The following TCTN3 variants were observed in gnomAD, a reference collection of about 807,000 sequenced individuals.
TCTN3 encodes the protein tectonic family member 3, also known as tectonic-3.
Under a neutral mutation model 71.3 loss-of-function variants are expected in TCTN3, and 57 were observed. The ratio of observed to expected loss-of-function variants is 0.80; its 90% CI spans 0.65 to 1.00. The LOEUF (loss-of-function observed/expected upper bound fraction) is 1.00, where lower values mean the gene tolerates loss of function less well. Ranked by LOEUF, TCTN3 falls within the 50% of genes least tolerant of loss-of-function variation. The probability of loss-of-function intolerance (pLI) is 0.00; values close to 1 mark genes in which losing one functional copy is unlikely to be tolerated. For missense variants in TCTN3, 696 were observed against 719.9 expected (o/e 0.97, Z 0.38); for synonymous variants, 258 against 267.8 (o/e 0.96, Z 0.36).
At chr10:95,676,773 G>GT (rs1276766376) in intron 13 of TCTN3, among the ~76,000 whole-genome samples, 5 of 152,104 alleles carry the variant, frequency 3.3e-5, no homozygotes, top group Non-Finnish European at 7.4e-5. Context: ...AACCAAAAAA[G>GT]TTAATGATGA....
chr10:95,670,860 A>C (rs1394485195), intron 13 of TCTN3, among the ~76,000 whole-genome samples: 1 of 151,904 alleles, frequency 6.6e-6, no homozygotes, highest in Non-Finnish European at 1.5e-5. Context: ...ATGGGGTCTC[A>C]CTATGTTGCC....
At chr10:95,686,724 T>C (rs1006007282) in intron 6 of TCTN3, among the ~76,000 whole-genome samples, 194 bp from the exon 7 acceptor site, 4 of 152,126 alleles carry the variant, frequency 2.6e-5, no homozygotes, top group Non-Finnish European at 4.4e-5. Flanking sequence ...GGCAGGAGGG[T>C]GACAGACTGT....
intron 11 of TCTN3, 114 bp downstream of exon 11, chr10:95,682,987 C>G (rs1404467765): frequency 8.0e-7 from 1 of 1,251,796 alleles, no homozygotes; most frequent in Non-Finnish European, 1.1e-6. Context: ...GACTAAAAGA[C>G]TATTCCTGAC....
chr10:95,690,738 T>C (rs1001133714), intron 3 of TCTN3, among the ~76,000 whole-genome samples: 3 of 152,140 alleles, frequency 2.0e-5, no homozygotes, highest in African/African-American at 7.2e-5. Context: ...TGGGAAGTAA[T>C]GGAGGTTTCT....
At chr10:95,668,255 C>CAAAAAAAAAAAAA (rs374400684) in intron 13 of TCTN3, among the ~76,000 whole-genome samples, 1 of 120,138 alleles carries the variant, frequency 8.3e-6, no homozygotes, top group Non-Finnish European at 1.7e-5. Context: ...ATAGGAGTGC[C>CAAAAAAAAAAAAA]AAAAAAAAAA....
In TCTN3 at chr10:95,671,842, C is replaced by T. The variant is rs544752066; in HGVS notation, c.1591-7542G>A. The stretch of plus-strand genomic sequence containing the variant: ...AACTCCCAATCTCAGGTGATCCGCC[C>T]GCCTTGGTCTCCCAAAGTGCTGGGA... On this transcript the variant is annotated intron_variant, in intron 13 of 13. Coordinates refer to ENST00000371217, the MANE Select transcript of TCTN3 (RefSeq NM_015631.6). Among the ~76,000 whole-genome samples, 9 of 152,260 alleles carry T rather than the reference C, an allele frequency of 5.9e-5. No individual in the cohort carries two copies. The South Asian group carries it at 8.3e-4, about 14-fold the overall frequency.
chr10:95,678,753 G>A (rs1392501766), intron 13 of TCTN3, among the ~76,000 whole-genome samples: 1 of 152,010 alleles, frequency 6.6e-6, no homozygotes, highest in Non-Finnish European at 1.5e-5. Context: ...TATGATATAA[G>A]TTTCATATAA....
chr10:95,666,849 C>G (rs1320723108), intron 13 of TCTN3, among the ~76,000 whole-genome samples: 1 of 152,176 alleles, frequency 6.6e-6, no homozygotes, highest in Non-Finnish European at 1.5e-5. Flanking sequence ...GGATAGTGGT[C>G]TCATGATGGA....
At position 95,663,932 on chromosome 10, in the gene TCTN3, G is replaced by C; in HGVS notation, c.*135C>G. ...CTAAAATAACTCCTTTCATATACAA[G>C]GATTCCTTCAGTTAGGTCCTCTATT... On this transcript the variant is annotated 3_prime_UTR_variant, in exon 14 of 14. Transcript: ENST00000371217. 1 of 693,344 alleles carries C rather than the reference G, an allele frequency of 1.4e-6. No homozygotes were observed. Among genetic ancestry groups the C allele is most frequent in the Non-Finnish European group, 2.5e-6 (1 of 396,568 alleles). 42.9% of individuals were successfully genotyped at this position (693,344 alleles called of 1,614,324 possible). A position where few individuals can be genotyped will look rare whatever the true frequency, so the allele number is the denominator to read the frequency against.
intron 13 of TCTN3, among the ~76,000 whole-genome samples, chr10:95,666,240 C>T (rs202006698): frequency 6.3e-4 from 87 of 138,226 alleles, no homozygotes; most frequent in Non-Finnish European, 9.6e-4. Flanking sequence ...CATGCCCAGC[C>T]TTTTTTTTTT....
chr10:95,666,178 T>C (rs570230366), intron 13 of TCTN3, among the ~76,000 whole-genome samples: 38 of 151,970 alleles, frequency 2.5e-4, no homozygotes, highest in African/African-American at 8.9e-4. Context: ...CCTGACCTAG[T>C]GATCTGCCCG....
At chr10:95,680,104 A>G (rs141691715) in intron 13 of TCTN3, among the ~76,000 whole-genome samples, 1 of 152,342 alleles carries the variant, frequency 6.6e-6, no homozygotes, top group East Asian at 1.9e-4. Context: ...ATCACAATCA[A>G]CAGGCTCAGG....
chr10:95,680,014 T>C (rs1230802785), intron 13 of TCTN3, among the ~76,000 whole-genome samples: 2 of 152,224 alleles, frequency 1.3e-5, no homozygotes, highest in Non-Finnish European at 2.9e-5. Flanking sequence ...ATATGTTTGC[T>C]ACAGATTAAA....
intron 9 of TCTN3, 125 bp from the exon 10 acceptor site, chr10:95,683,754 C>A (rs1162876944): frequency 2.8e-6 from 2 of 717,098 alleles, no homozygotes; most frequent in Non-Finnish European, 4.4e-6. Flanking sequence ...ACTGAACAAT[C>A]TGGCTTCTTT....
intron 13 of TCTN3, 130 bp downstream of exon 13, chr10:95,680,342 A>T (rs529837502): frequency 1.9e-6 from 1 of 520,594 alleles, no homozygotes; most frequent in Non-Finnish European, 2.6e-6. Context: ...ATGTCAGCTC[A>T]CTTTAAACAA....
At chr10:95,693,145 G>T (rs182754497) in intron 2 of TCTN3, 107 bp from the exon 3 acceptor site, 16 of 1,183,736 alleles carry the variant, frequency 1.4e-5, no homozygotes, top group Non-Finnish European at 1.7e-5. Flanking sequence ...GACTCCTTGG[G>T]CACCTATAGG....
At position 95,693,382 on chromosome 10, in the gene TCTN3, A is replaced by G. The variant is rs1408401733; in HGVS notation, c.351T>C (p.Val117=). The G allele has an allele frequency of 1.3e-6, 2 of 1,551,784 alleles. No homozygotes were observed. Among genetic ancestry groups the G allele is most frequent in the Admixed American group, 3.9e-5 (2 of 50,992 alleles). Residue 117 remains valine (V), a synonymous_variant, in exon 2 of 14, where the codon GTT becomes GTC. Coordinates refer to ENST00000371217, the MANE Select transcript of TCTN3 (RefSeq NM_015631.6). The part of the protein sequence containing the change: ...RDCYLLHPRT[V]FSFCLPGSVR... ...CGCTGCCTGGAAGGCAGAAGGAGAA[A>G]ACTGTCCTCGGATGGAGAAGATAGC... is the stretch of plus-strand genomic sequence containing the variant.
At position 95,672,149 on chromosome 10, in the gene TCTN3, A is replaced by T. The variant is rs967617552; in HGVS notation, c.1591-7849T>A. 1.3e-3 allele frequency among the ~76,000 whole-genome samples: 10 copies of T among 7,908 alleles called. 1 individual carries two copies. The South Asian group carries it at 0.022, about 17-fold the overall frequency. 5.2% of individuals were successfully genotyped at this position (7,908 alleles called of 152,430 possible). On this transcript the variant is annotated intron_variant, in intron 13 of 13. Coordinates refer to ENST00000371217, the MANE Select transcript of TCTN3 (RefSeq NM_015631.6). ...TTTCTGACTTTTATCATTAAAAATT[A>T]ATTATTATTATTGTGTGTGTGTGTC...
At chr10:95,672,683 A>ACCT (rs2097932845) in intron 13 of TCTN3, among the ~76,000 whole-genome samples, 1 of 128,704 alleles carries the variant, frequency 7.8e-6, no homozygotes, top group East Asian at 2.1e-4. Context: ...ATCTGTTCAA[A>ACCT]TCTTTTTTTT....
Sources: gnomAD v4.1 joint callset for allele counts (sites outside exome capture counted in the v4.1 genomes callset) on GRCh38, gnomAD v4.1.1 for gene constraint, MANE v1.5 for transcripts, NCBI Gene and HGNC (gene_info 2026-07-23, HGNC 2026-07-21) for gene names.